Variants in ARAP3 observed in about 807,000 individuals in gnomAD.
ARAP3 encodes the protein ArfGAP with RhoGAP domain, ankyrin repeat and PH domain 3, also known as arf-GAP with Rho-GAP domain, ANK repeat and PH domain-containing protein 3.
In ARAP3, 82 loss-of-function variants were observed where a neutral mutation model predicts 169.2. That is an observed-to-expected ratio of 0.48 (90% CI 0.41 to 0.58). The LOEUF (loss-of-function observed/expected upper bound fraction) is 0.58. ARAP3 is among the 20% of genes least tolerant of loss of function. The pLI, the probability that ARAP3 is intolerant of heterozygous loss-of-function variation, is 0.00. For synonymous variants in ARAP3, 791 were observed against 800.3 expected, an observed-to-expected ratio of 0.99 and a Z score of 0.20; for missense variants, 1,764 against 2,018.0, an observed-to-expected ratio of 0.87 and a Z score of 2.41.
chr5:141,667,470 C>CATGA (rs2099910809), intron 16 of ARAP3, among the ~76,000 whole-genome samples: 2 of 141,572 alleles, frequency 1.4e-5, no homozygotes, highest in African/African-American at 5.2e-5. Flanking sequence ...TTTTGCTCTT[C>CATGA]TCTCCCAGGG....
intron 22 of ARAP3, 99 bp from the exon 23 acceptor site, chr5:141,659,575 GA>G: frequency 2.8e-6 from 4 of 1,404,088 alleles, no homozygotes; most frequent in Non-Finnish European, 4.0e-6. Context: ...CTGGAGGCCA[GA>G]AGAGCTAAGA....
intron 1 of ARAP3, among the ~76,000 whole-genome samples, chr5:141,681,857 A>G (rs1018372321): frequency 2.0e-5 from 3 of 151,652 alleles, no homozygotes; most frequent in Non-Finnish European, 4.4e-5. Flanking sequence ...CCGCGTGCTG[A>G]GCCTCGGGCC....
At chr5:141,661,647 T>G in intron 21 of ARAP3, 37 bp downstream of exon 21, 2 of 1,557,278 alleles carry the variant, frequency 1.3e-6, no homozygotes, top group Non-Finnish European at 1.8e-6. Context: ...CAGATTGAAG[T>G]GAGGAAGGGT....
intron 25 of ARAP3, 115 bp downstream of exon 25, chr5:141,658,250 G>T: frequency 4.1e-6 from 4 of 984,024 alleles, no homozygotes; most frequent in Non-Finnish European, 6.2e-6. Context: ...GAGTGGATGA[G>T]TCATCCATGA....
intron 31 of ARAP3, 28 bp from the exon 32 acceptor site, chr5:141,655,428 G>C: frequency 5.0e-6 from 8 of 1,586,512 alleles, no homozygotes; most frequent in Non-Finnish European, 6.9e-6. Context: ...GGGGACAAGG[G>C]GAAGGAAAGA....
Position 141,680,089 on chromosome 5 carries a change from G to A in ARAP3, c.398C>T (p.Pro133Leu), listed in dbSNP as rs143105799. ...GGAAGTGGGGAGAGGAGGAGGCCTTGGGCTGGGCTCTGGGCTCCTGGACAC... is the reference window on the plus strand; with the variant it reads ...GGAAGTGGGGAGAGGAGGAGGCCTTAGGCTGGGCTCTGGGCTCCTGGACAC... ...PGVSRSPEPS[P>L]RPPPLPTSSS... The change falls in exon 2 of 33, where the codon CCA (proline) becomes CTA (leucine). Residue 133 changes from proline to leucine, a missense_variant. By Grantham distance (98) the Pro-to-Leu change is moderately conservative. This residue lies in a region of ARAP3 where 630 missense variants were observed against 678.7 expected (regional missense o/e 0.93). Coordinates refer to ENST00000239440, the MANE Select transcript of ARAP3 (RefSeq NM_022481.6). 4.3e-6 allele frequency: 7 copies of A among 1,613,614 alleles called. No individual in the cohort carries two copies. Among genetic ancestry groups the A allele is most frequent in the Non-Finnish European group, 5.9e-6 (7 of 1,179,808 alleles).
intron 16 of ARAP3, 145 bp from the exon 17 acceptor site, chr5:141,666,788 CGA>C (rs2099910707): frequency 2.3e-6 from 1 of 439,946 alleles, no homozygotes; most frequent in Admixed American, 4.3e-5. Context: ...AAAAGGGATG[CGA>C]GAGAGCAGAG....
intron 20 of ARAP3, 102 bp downstream of exon 20, chr5:141,661,940 CA>C: frequency 6.5e-7 from 1 of 1,533,044 alleles, no homozygotes; most frequent in Admixed American, 1.7e-5. Flanking sequence ...GATGATCCCC[CA>C]GGGTGGGAAG....
At chr5:141,664,655 G>A (rs1175663989) in intron 19 of ARAP3, among the ~76,000 whole-genome samples, 3 of 152,148 alleles carry the variant, frequency 2.0e-5, no homozygotes, top group African/African-American at 7.2e-5. Flanking sequence ...CTGCGCTCAA[G>A]GCTTGACAGG....
chr5:141,655,576 G>T, intron 31 of ARAP3, 45 bp downstream of exon 31: 1 of 1,613,352 alleles, frequency 6.2e-7, no homozygotes, highest in Non-Finnish European at 8.5e-7. Context: ...ATGTGACAAG[G>T]GCTACACGAC....
chr5:141,680,680 A>C (rs2099912844), intron 1 of ARAP3, 177 bp from the exon 2 acceptor site: 3 of 1,008,030 alleles, frequency 3.0e-6, no homozygotes, highest in Non-Finnish European at 1.4e-6. Context: ...CTCTCTACTT[A>C]GGGAAGGGAC....
rs758668212 is a variant in ARAP3, at chr5:141,671,981, CTGTGAGGGTGTGAGGGTG to C, written c.1586-19_1586-2del. On this transcript the variant is annotated splice_acceptor_variant and splice_polypyrimidine_tract_variant and intron_variant, in intron 10 of 32. Transcript: ENST00000239440. LOFTEE classifies it high-confidence loss of function. The surrounding 1 kb of genome is among the most constrained non-coding windows in gnomAD (Gnocchi z 4.9). ...CCAGAACCCAGGGCCCGGTGCTGAC[CTGTGAGGGTGTGAGGGTG>C]TGTGAGGGTGTGTGAGGGTGTGAGG... The C allele has an allele frequency of 2.5e-6, 4 of 1,613,978 alleles. No individual in the cohort carries two copies. The highest frequency in any genetic ancestry group is 3.4e-6 in the Non-Finnish European group (4 of 1,180,006).
Position 141,673,582 on chromosome 5 carries a change from TC to T in ARAP3, c.902+22del, listed in dbSNP as rs759640185. 2.7e-5 allele frequency: 43 copies of T among 1,612,100 alleles called. 1 individual carries two copies. The South Asian group carries it at 4.4e-4, about 16-fold the overall frequency. ...CACCTCCCAGCCTCTCTTTTCTCCC[TC>T]CCTTCCCCTCCCAGCACCCACCCCT... On this transcript the variant is annotated intron_variant, in intron 5 of 32. Transcript: ENST00000239440.
At chr5:141,667,785 T>C (rs2099910868) in intron 16 of ARAP3, among the ~76,000 whole-genome samples, 1 of 148,226 alleles carries the variant, frequency 6.7e-6, no homozygotes, top group Non-Finnish European at 1.5e-5. Flanking sequence ...CTCAAGCCTG[T>C]AATCCCAGCA....
chr5:141,664,983 C>G lies in ARAP3; in HGVS notation c.2739G>C (p.Gln913His). ...GGGGTGLQEQ[Q>H]MSRGDIPIIV... ...TGATGGGGATGTCACCCCGGCTCAT[C>G]TGCTGCTCCTGCAGCCCTGTGCCGC... The change falls in exon 19 of 33, where the codon CAG becomes CAC. Residue 913 changes from glutamine to histidine, a missense_variant. Around this residue, in one of 3 missense-constraint regions of ARAP3, gnomAD observed 1,112 missense variants for 1,285.7 expected, o/e 0.86. Coordinates refer to ENST00000239440, the MANE Select transcript of ARAP3 (RefSeq NM_022481.6). 1 of 1,613,584 alleles carries G rather than the reference C, an allele frequency of 6.2e-7. No individual in the cohort carries two copies. The highest frequency in any genetic ancestry group is 8.5e-7 in the Non-Finnish European group (1 of 1,179,906).
intron 19 of ARAP3, among the ~76,000 whole-genome samples, chr5:141,664,289 CAGG>C (rs1562410447): frequency 1.3e-5 from 2 of 152,208 alleles, no homozygotes; most frequent in East Asian, 3.9e-4. Context: ...GAGGCTGAGG[CAGG>C]AGAATTGCTT....
chr5:141,661,376 C>G (rs1355798487), intron 21 of ARAP3, among the ~76,000 whole-genome samples: 1 of 152,192 alleles, frequency 6.6e-6, no homozygotes, highest in African/African-American at 2.4e-5. Context: ...TCATTTAACT[C>G]TCTCATAAAC....
Position 141,672,981 on chromosome 5 carries a change from C to T in ARAP3, c.1093+32G>A, listed in dbSNP as rs2099911649. On this transcript the variant is annotated intron_variant, in intron 7 of 32. Coordinates refer to ENST00000239440, the MANE Select transcript of ARAP3 (RefSeq NM_022481.6). The surrounding 1 kb of genome is among the most constrained non-coding windows in gnomAD (Gnocchi z 4.9). ...TGTTGCTCACACAGCCTCCCTCCCT[C>T]CTGCCCTGACTCAGGGGGCTGTGGC... 1.2e-6 allele frequency: 2 copies of T among 1,614,088 alleles called. No individual in the cohort carries two copies. The highest frequency in any genetic ancestry group is 4.5e-5 in the East Asian group (2 of 44,868).
chr5:141,670,481 T>G (rs1382526512), intron 14 of ARAP3, 31 bp downstream of exon 14: 1 of 1,598,106 alleles, frequency 6.3e-7, no homozygotes, highest in Non-Finnish European at 8.6e-7. Flanking sequence ...TTTCTGTCCC[T>G]GTATCCTCCC....
Sources: gnomAD v4.1 joint callset for allele counts (sites outside exome capture counted in the v4.1 genomes callset) on GRCh38, gnomAD v4.1.1 for gene constraint, gnomAD v4.1.1 regional missense constraint, Gnocchi (gnomAD v3.1) non-coding constraint, MANE v1.5 for transcripts, NCBI Gene and HGNC (gene_info 2026-07-23, HGNC 2026-07-21) for gene names.